Variants in ERMP1 observed in about 807,000 individuals in gnomAD.
ERMP1 encodes endoplasmic reticulum metallopeptidase 1, also known as Felix-ina.
Under a neutral mutation model 92.0 loss-of-function variants are expected in ERMP1, and 86 were observed. The observed-to-expected ratio is 0.93, with a 90% confidence interval of 0.79 to 1.12. The LOEUF is 1.12. ERMP1 is among the 50% of genes most tolerant of loss of function. The pLI is 0.00. For synonymous variants in ERMP1, 530 were observed against 412.8 expected (o/e 1.28, Z -3.44); for missense variants, 1,342 against 1,116.3 (o/e 1.20, Z -2.88).
At chr9:5,806,773 G>A (rs188476148) in intron 8 of ERMP1, among the ~76,000 whole-genome samples, 14 of 152,176 alleles carry the variant, frequency 9.2e-5, no homozygotes, top group Admixed American at 9.2e-4. Flanking sequence ...ACATCTGCAT[G>A]AGTAATTCTA....
chr9:5,861,331 A>G (rs1185605726), intron 5 of ERMP1, among the ~76,000 whole-genome samples: 1 of 151,964 alleles, frequency 6.6e-6, no homozygotes, highest in Non-Finnish European at 1.5e-5. Context: ...TTTGGGTGAA[A>G]AAAAAGTAAG....
At chr9:5,854,188 G>C (rs1173899776) in intron 6 of ERMP1, among the ~76,000 whole-genome samples, 1 of 151,974 alleles carries the variant, frequency 6.6e-6, no homozygotes, top group East Asian at 1.9e-4. Context: ...AGGAGAAGGG[G>C]CCATGCTCAT....
In ERMP1 at chr9:5,830,899, C is replaced by G. The variant is rs1018830230; in HGVS notation, c.468G>C (p.Lys156Asn). 2 of 1,614,156 alleles carry G rather than the reference C, an allele frequency of 1.2e-6. No homozygotes were observed. Among genetic ancestry groups the G allele is most frequent in the Admixed American group, 3.3e-5 (2 of 60,030 alleles). Residue 156 changes from lysine (K) to asparagine (N), a missense_variant, in exon 2 of 15, where the codon AAG (lysine) becomes AAC (asparagine). Coordinates refer to ENST00000339450, the MANE Select transcript of ERMP1 (RefSeq NM_024896.3). ...LIEVQSNSLH[K>N]ISVDVQRPTG... is the part of the protein sequence containing the mutation. ...TGGGCCGTTGTACATCTACTGAAAT[C>G]TTATGAAGGCTGTTGCTTTGCACTT...
chr9:5,837,715 A>G (rs1041428890), upstream of ERMP1, among the ~76,000 whole-genome samples: 2 of 152,216 alleles, frequency 1.3e-5, no homozygotes, highest in African/African-American at 4.8e-5. Context: ...TCGGTAAGAA[A>G]AATATCAACG....
At chr9:5,838,180 T>A (rs1440265425) in intron 6 of ERMP1, among the ~76,000 whole-genome samples, 1 of 152,216 alleles carries the variant, frequency 6.6e-6, no homozygotes, top group Non-Finnish European at 1.5e-5. Flanking sequence ...TTTTGTGTGA[T>A]GCTGGAGGAC....
chr9:5,830,278 A>AG (rs1337407760), intron 2 of ERMP1, among the ~76,000 whole-genome samples: 1 of 152,158 alleles, frequency 6.6e-6, no homozygotes, highest in Non-Finnish European at 1.5e-5. Context: ...GGCCCAGGGC[A>AG]GCCAAAAGAT....
intron 4 of ERMP1, among the ~76,000 whole-genome samples, chr9:5,820,441 G>C (rs1829488376): frequency 2.0e-5 from 3 of 152,162 alleles, no homozygotes; most frequent in Admixed American, 2.0e-4. Flanking sequence ...TATTACACTA[G>C]TTTGCTCTGG....
At chr9:5,847,669 G>A (rs1386471134) in intron 6 of ERMP1, among the ~76,000 whole-genome samples, 1 of 152,126 alleles carries the variant, frequency 6.6e-6, no homozygotes, top group East Asian at 1.9e-4. Flanking sequence ...GCCAAGGCGG[G>A]CGGATCATGA....
Position 5,805,078 on chromosome 9 carries a change from A to G in ERMP1, c.1863T>C (p.Val621=), listed in dbSNP as rs1173642900. ...GRSGSEIPPD[V]VLASILAGCT... is the part of the protein sequence containing the mutation. ...AGCCAGCCAAAATGGATGCCAGCACAACATCAGGTGGGATTTCAGAACCAC... is the reference window on the plus strand; with the variant it reads ...AGCCAGCCAAAATGGATGCCAGCACGACATCAGGTGGGATTTCAGAACCAC... Residue 621 remains valine, a synonymous_variant, in exon 10 of 15, where the codon GTT becomes GTC. Transcript: ENST00000339450. 6.2e-7 allele frequency: 1 copy of G among 1,613,780 alleles called. No homozygotes were observed. Among genetic ancestry groups the G allele is most frequent in the Non-Finnish European group, 8.5e-7 (1 of 1,179,962 alleles).
intron 6 of ERMP1, among the ~76,000 whole-genome samples, chr9:5,849,298 G>A (rs1309364514): frequency 6.6e-6 from 1 of 152,250 alleles, no homozygotes; most frequent in East Asian, 1.9e-4. Context: ...TGGGATTACA[G>A]GCATGAGCCA....
rs773417186 is a variant in ERMP1 at position 5,787,151 on chromosome 9, A to G, written c.2708T>C (p.Val903Ala). 2 of 1,612,730 alleles carry G rather than the reference A, an allele frequency of 1.2e-6. No homozygotes were observed. Among genetic ancestry groups the G allele is most frequent in the Admixed American group, 3.3e-5 (2 of 59,920 alleles). ...SAWVCTYDLFVF is the reference protein window; with the variant it reads ...SAWVCTYDLFAF ...TAGAGCTCATCCACAAGATTAAAATACAAAGAGATCGTAGGTGCACACCCA... is the reference window on the plus strand; with the variant it reads ...TAGAGCTCATCCACAAGATTAAAATGCAAAGAGATCGTAGGTGCACACCCA... The change falls in exon 15 of 15, where the codon GTA (valine) becomes GCA (alanine). Residue 903 changes from valine to alanine, a missense_variant. Physicochemically the swap from Val to Ala is moderately conservative, Grantham distance 64 (BLOSUM62 0). Transcript: ENST00000339450.
At chr9:5,827,902 C>A (rs925285279) in intron 2 of ERMP1, among the ~76,000 whole-genome samples, 1 of 152,092 alleles carries the variant, frequency 6.6e-6, no homozygotes, top group Non-Finnish European at 1.5e-5. Flanking sequence ...GGCGTGAACC[C>A]GGGAGGCAGA....
intron 6 of ERMP1, among the ~76,000 whole-genome samples, chr9:5,857,014 ACTTTTTTTT>A (rs1440373828): frequency 2.0e-5 from 3 of 151,978 alleles, no homozygotes; most frequent in Non-Finnish European, 4.4e-5. Context: ...ATGGACCATG[ACTTTTTTTT>A]CTTTTTTTTC....
At position 5,787,486 on chromosome 9, in the gene ERMP1, C is replaced by A; in HGVS notation, c.2494G>T (p.Val832Phe). ...PVTSKGGDYF[V>F]FYSHGLQASA... is the part of the protein sequence containing the mutation. ...GCCTGGAGTCCATGGGAGTAAAAGA[C>A]AAAGTAGTCTCCTCCTTTACTTGTG... The change falls in exon 14 of 15, where the codon GTC becomes TTC. Residue 832 changes from valine to phenylalanine, a missense_variant. By Grantham distance (50) the Val-to-Phe change is conservative (BLOSUM62 -1). Coordinates refer to ENST00000339450, the MANE Select transcript of ERMP1 (RefSeq NM_024896.3). The A allele has an allele frequency of 6.2e-7, 1 of 1,614,152 alleles. No homozygotes were observed. The highest frequency in any genetic ancestry group is 8.5e-7 in the Non-Finnish European group (1 of 1,179,994).
upstream of ERMP1, among the ~76,000 whole-genome samples, chr9:5,835,828 CTT>C (rs1586832414): frequency 6.6e-6 from 1 of 152,206 alleles, no homozygotes; most frequent in East Asian, 1.9e-4. Context: ...TTATAAAACA[CTT>C]TGATAATGTC....
In ERMP1 at chr9:5,814,821, C is replaced by G. The variant is rs191724681; in HGVS notation, c.875-1786G>C. 1.2e-4 allele frequency among the ~76,000 whole-genome samples: 18 copies of G among 152,196 alleles called. No homozygotes were observed. The East Asian group carries it at 3.5e-3, about 29-fold the overall frequency. On this transcript the variant is annotated intron_variant, in intron 4 of 14. Coordinates refer to ENST00000339450, the MANE Select transcript of ERMP1 (RefSeq NM_024896.3). Reference sequence around the variant, plus strand: ...CAAGTAATCCAGATACTGGAGTTACCAGACACAGATTCTAAAATAATTATG... The same window carrying G: ...CAAGTAATCCAGATACTGGAGTTACGAGACACAGATTCTAAAATAATTATG...
At chr9:5,809,637 AACAATCCCT>A (rs749911657) in intron 8 of ERMP1, among the ~76,000 whole-genome samples, 13 of 152,206 alleles carry the variant, frequency 8.5e-5, no homozygotes, top group Non-Finnish European at 1.8e-4. Flanking sequence ...AAATAAATAA[AACAATCCCT>A]ATCCTCAAGG....
At chr9:5,798,462 C>G (rs1033756487) in intron 12 of ERMP1, among the ~76,000 whole-genome samples, 1 of 151,922 alleles carries the variant, frequency 6.6e-6, no homozygotes, top group Non-Finnish European at 1.5e-5. Context: ...GTGATCCACC[C>G]GCCTCGGCCT....
At chr9:5,860,281 C>T (rs1020743978) in intron 5 of ERMP1, among the ~76,000 whole-genome samples, 12 of 150,072 alleles carry the variant, frequency 8.0e-5, no homozygotes, top group Non-Finnish European at 1.6e-4. Flanking sequence ...TGCAGCCAGA[C>T]CCTGTTTCCA....
Sources: allele counts gnomAD v4.1 joint callset (sites outside exome capture counted in the v4.1 genomes callset), GRCh38; gene constraint gnomAD v4.1.1; transcripts MANE v1.5; gene names NCBI Gene and HGNC (gene_info 2026-07-23, HGNC 2026-07-21).